Variants in PIK3C2A observed in about 807,000 individuals in gnomAD.
The protein encoded by PIK3C2A is phosphatidylinositol-4-phosphate 3-kinase catalytic subunit type 2 alpha, also known as phosphatidylinositol 4-phosphate 3-kinase C2 domain-containing subunit alpha.
PIK3C2A carries 97 observed loss-of-function variants against 204.5 expected under a neutral mutation model. The ratio of observed to expected loss-of-function variants is 0.47; its 90% CI spans 0.40 to 0.56. The LOEUF (loss-of-function observed/expected upper bound fraction) is 0.56. PIK3C2A is among the 20% of genes least tolerant of loss of function. PIK3C2A has a pLI of 0.00. For synonymous variants in PIK3C2A, 653 were observed against 664.4 expected, an observed-to-expected ratio of 0.98 and a Z score of 0.26; for missense variants, 1,735 against 1,969.2, an observed-to-expected ratio of 0.88 and a Z score of 2.25.
intron 1 of PIK3C2A, among the ~76,000 whole-genome samples, chr11:17,198,403 C>T (rs1179823155): frequency 6.6e-6 from 1 of 152,098 alleles, no homozygotes; most frequent in Non-Finnish European, 1.5e-5. Flanking sequence ...AGCCACACTG[C>T]CAGGCCAACT....
At chr11:17,179,911 A>T (rs898119082) in intron 1 of PIK3C2A, among the ~76,000 whole-genome samples, 1 of 152,282 alleles carries the variant, frequency 6.6e-6, no homozygotes, top group Middle Eastern at 3.4e-3. Flanking sequence ...TCCTGGCTCT[A>T]TATCAGTGTA....
Position 17,091,493 on chromosome 11 carries a change from T to C in PIK3C2A, c.4753-34A>G, listed in dbSNP as rs890616183. On this transcript the variant is annotated intron_variant, in intron 31 of 32. Coordinates refer to ENST00000691414, the MANE Select transcript of PIK3C2A (RefSeq NM_002645.4). ...AAAAGCAGTCCCTTAATAGTAATGC[T>C]TCCTACCAAGGTAAGGGTTTCCTCT... 3 of 1,610,454 alleles carry C rather than the reference T, an allele frequency of 1.9e-6. No homozygotes were observed. The African/African-American group carries it at 4.0e-5, about 22-fold the overall frequency.
chr11:17,090,137 TAGAG>T (rs1295326127), intron 32 of PIK3C2A, among the ~76,000 whole-genome samples: 2 of 152,094 alleles, frequency 1.3e-5, no homozygotes, highest in Admixed American at 6.6e-5. Flanking sequence ...ATGTCTGACA[TAGAG>T]AGATACAAAG....
At chr11:17,091,263 CG>C (rs1848301644) in intron 32 of PIK3C2A, 70 bp downstream of exon 32, 1 of 1,384,106 alleles carries the variant, frequency 7.2e-7, no homozygotes, top group Admixed American at 1.9e-5. Flanking sequence ...TGCTTACGCA[CG>C]TCAGAACTTA....
chr11:17,147,564 G>A lies in PIK3C2A; in HGVS notation c.1513C>T (p.Leu505=). ...ATTGCACTGAAGGTCAAGAGTTGTA[G>A]TCTAATTTCTGTGTCCCATTTTCGA... The part of the protein sequence containing the change: ...NCRKWDTEIR[L]QLLTFSAMCQ... Residue 505 remains leucine (L), a synonymous_variant, in exon 6 of 33, where the codon CTA becomes TTA. Transcript: ENST00000691414. 6.2e-7 allele frequency: 1 copy of A among 1,612,688 alleles called. No individual in the cohort carries two copies.
Position 17,207,830 on chromosome 11 carries a change from G to A in PIK3C2A, c.-66+18C>T. 2 of 153,230 alleles carry A rather than the reference G, an allele frequency of 1.3e-5. No individual in the cohort carries two copies. Among genetic ancestry groups the A allele is most frequent in the Non-Finnish European group, 2.9e-5 (2 of 68,850 alleles). 9.5% of individuals were successfully genotyped at this position (153,230 alleles called of 1,614,324 possible). A position where few individuals can be genotyped will look rare whatever the true frequency, so the allele number is the denominator to read the frequency against. On this transcript the variant is annotated intron_variant, in intron 1 of 32. Transcript: ENST00000691414. ...AGGACCCCGAATATCGTCCCCAGCC[G>A]CACCGACCGCTCCTCACCTCAAGCT...
chr11:17,104,876 C>G (rs901964098), intron 23 of PIK3C2A, among the ~76,000 whole-genome samples: 3 of 152,086 alleles, frequency 2.0e-5, no homozygotes, highest in Non-Finnish European at 4.4e-5. Context: ...CTACCTTCCT[C>G]CAAGATCTTT....
At chr11:17,191,346 A>G (rs1263593511) in intron 1 of PIK3C2A, among the ~76,000 whole-genome samples, 4 of 152,182 alleles carry the variant, frequency 2.6e-5, no homozygotes, top group Non-Finnish European at 5.9e-5. Context: ...TCTGAATCCA[A>G]TCTAGAGACT....
At chr11:17,109,453 A>C (rs982210227) in intron 22 of PIK3C2A, among the ~76,000 whole-genome samples, 1 of 152,258 alleles carries the variant, frequency 6.6e-6, no homozygotes, top group Non-Finnish European at 1.5e-5. Context: ...CATTATTTCA[A>C]AACAGTTCAA....
chr11:17,206,306 G>A (rs1316911351), intron 1 of PIK3C2A, among the ~76,000 whole-genome samples: 3 of 152,070 alleles, frequency 2.0e-5, no homozygotes, highest in African/African-American at 7.2e-5. Flanking sequence ...TTCTACCTAC[G>A]TAAAATCACT....
At chr11:17,116,374 C>CA (rs1849191282) in intron 19 of PIK3C2A, among the ~76,000 whole-genome samples, 1 of 151,874 alleles carries the variant, frequency 6.6e-6, no homozygotes, top group Non-Finnish European at 1.5e-5. Flanking sequence ...TGGCCATAAT[C>CA]AAAAAACAGG....
At chr11:17,100,758 A>G (rs953328887) in intron 25 of PIK3C2A, among the ~76,000 whole-genome samples, 2 of 152,194 alleles carry the variant, frequency 1.3e-5, no homozygotes, top group African/African-American at 4.8e-5. Context: ...ACTCCTACTT[A>G]TAAGTGAGAA....
intron 1 of PIK3C2A, among the ~76,000 whole-genome samples, chr11:17,179,107 C>T (rs1002112149): frequency 2.6e-5 from 4 of 152,086 alleles, no homozygotes; most frequent in South Asian, 4.1e-4. Flanking sequence ...TCAGGTAATC[C>T]GCCCATCTCA....
At chr11:17,089,990 T>A in intron 32 of PIK3C2A, 70 bp from the exon 33 acceptor site, 1 of 1,167,920 alleles carries the variant, frequency 8.6e-7, no homozygotes, top group Non-Finnish European at 1.2e-6. Flanking sequence ...ACATTTCAAG[T>A]GAAAACGTGA....
chr11:17,136,662 G>A, intron 8 of PIK3C2A, 37 bp from the exon 9 acceptor site: 1 of 1,238,348 alleles, frequency 8.1e-7, no homozygotes, highest in Admixed American at 2.4e-5. Flanking sequence ...ATAGGTAGGT[G>A]AAATTTAAAG....
intron 4 of PIK3C2A, among the ~76,000 whole-genome samples, chr11:17,149,525 G>A (rs868188307): frequency 6.6e-6 from 1 of 152,166 alleles, no homozygotes; most frequent in Middle Eastern, 3.4e-3. Context: ...GATTTAAAAT[G>A]AATTATAAGA....
chr11:17,204,896 G>C (rs1591035834), intron 1 of PIK3C2A, among the ~76,000 whole-genome samples: 3 of 152,204 alleles, frequency 2.0e-5, no homozygotes, highest in African/African-American at 7.2e-5. Flanking sequence ...ACAATGCATA[G>C]GCCAGGCGCA....
chr11:17,199,419 T>C (rs1259859889), intron 1 of PIK3C2A, among the ~76,000 whole-genome samples: 1 of 152,216 alleles, frequency 6.6e-6, no homozygotes, highest in Non-Finnish European at 1.5e-5. Flanking sequence ...CTAATACTCA[T>C]AGCAGCATTG....
At chr11:17,107,961 T>C (rs1241767603) in intron 22 of PIK3C2A, among the ~76,000 whole-genome samples, 1 of 152,178 alleles carries the variant, frequency 6.6e-6, no homozygotes, top group East Asian at 1.9e-4. Flanking sequence ...AACCTCTGCC[T>C]CCCGGATTCA....
Sources: gnomAD v4.1 joint callset for allele counts (sites outside exome capture counted in the v4.1 genomes callset) on GRCh38, gnomAD v4.1.1 for gene constraint, MANE v1.5 for transcripts, NCBI Gene and HGNC (gene_info 2026-07-23, HGNC 2026-07-21) for gene names.